The following GPHN variants were observed in gnomAD, a reference collection of about 807,000 sequenced individuals.
GPHN encodes the protein gephyrin.
In GPHN, 17 loss-of-function variants were observed where a neutral mutation model predicts 95.5. The observed-to-expected ratio is 0.18, with a 90% CI of 0.12 to 0.27. The LOEUF is 0.27. Ranked by LOEUF, GPHN falls within the 10% of genes least tolerant of loss-of-function variation. GPHN has a pLI of 1.00. For missense variants in GPHN, 660 were observed against 978.1 expected, an observed-to-expected ratio of 0.67 and a Z score of 4.34; for synonymous variants, 320 against 322.5, an observed-to-expected ratio of 0.99 and a Z score of 0.08.
At chr14:67,296,670 T>C in the GPHN span, among the ~76,000 whole-genome samples, 1 of 151,854 alleles carries the variant, frequency 6.6e-6, no homozygotes, top group Non-Finnish European at 1.5e-5. Flanking sequence ...TATGATGGAT[T>C]ACTTTGGTAA....
At chr14:67,124,015 T>C (rs985837988) in intron 17 of GPHN, among the ~76,000 whole-genome samples, 4 of 152,178 alleles carry the variant, frequency 2.6e-5, no homozygotes, top group Admixed American at 6.5e-5. Flanking sequence ...CTGATTTTTT[T>C]TTCTTTCTCT....
chr14:66,715,153 C>A (rs1270148699), intron 2 of GPHN, among the ~76,000 whole-genome samples: 1 of 152,056 alleles, frequency 6.6e-6, no homozygotes, highest in Admixed American at 6.6e-5. Flanking sequence ...TTCAGTCTTG[C>A]TGCTTGTTAT....
At chr14:67,439,124 C>T in the GPHN span, among the ~76,000 whole-genome samples, 1 of 152,176 alleles carries the variant, frequency 6.6e-6, no homozygotes, top group Non-Finnish European at 1.5e-5. Flanking sequence ...GTCCAAAGCA[C>T]ACTGGATATT....
chr14:66,746,297 CAATT>C (rs1412190722), intron 2 of GPHN, among the ~76,000 whole-genome samples: 3 of 152,118 alleles, frequency 2.0e-5, no homozygotes, highest in African/African-American at 7.2e-5. Flanking sequence ...TAGGCTCAAT[CAATT>C]GTCTTATCCC....
At chr14:66,714,887 C>T (rs528601082) in intron 2 of GPHN, among the ~76,000 whole-genome samples, 6 of 152,042 alleles carry the variant, frequency 3.9e-5, no homozygotes, top group South Asian at 2.1e-4. Context: ...GCTAGTATTT[C>T]GTTAGGGATT....
intron 17 of GPHN, among the ~76,000 whole-genome samples, chr14:67,124,819 T>TA (rs1247115816): frequency 6.6e-6 from 1 of 151,960 alleles, no homozygotes. Context: ...TTATACTTTT[T>TA]TTTTTAAAGA....
chr14:67,348,879 G>GAAACCTGGTTGTTAATGATTTT, the GPHN span: 1 of 720,604 alleles, frequency 1.4e-6, no homozygotes, highest in Non-Finnish European at 2.3e-6. Context: ...TGAGTAATTA[G>GAAACCTGGTTGTTAATGATTTT]AAACCTGGTT....
intron 2 of GPHN, among the ~76,000 whole-genome samples, chr14:66,773,117 G>A (rs1467568156): frequency 1.3e-5 from 2 of 152,154 alleles, no homozygotes; most frequent in Non-Finnish European, 2.9e-5. Flanking sequence ...TGAGTGGCAT[G>A]TAAAGAGCAG....
chr14:66,903,426 G>C (rs1048428010), intron 5 of GPHN, among the ~76,000 whole-genome samples: 3 of 152,068 alleles, frequency 2.0e-5, no homozygotes, highest in Non-Finnish European at 4.4e-5. Flanking sequence ...AGTTACAGTT[G>C]TTGATTTGTA....
chr14:67,361,440 A>G, the GPHN span, among the ~76,000 whole-genome samples: 1 of 152,218 alleles, frequency 6.6e-6, no homozygotes, highest in Non-Finnish European at 1.5e-5. Flanking sequence ...TTCAACTATA[A>G]TGATGAAATA....
intron 4 of GPHN, among the ~76,000 whole-genome samples, chr14:66,879,709 A>G (rs1393713726): frequency 6.6e-6 from 1 of 152,150 alleles, no homozygotes; most frequent in African/African-American, 2.4e-5. Flanking sequence ...TATAAGCAAT[A>G]TGAAAGGACT....
At chr14:67,083,230 C>G (rs948584788) in intron 11 of GPHN, among the ~76,000 whole-genome samples, 2 of 141,672 alleles carry the variant, frequency 1.4e-5, no homozygotes, top group African/African-American at 2.7e-5. Flanking sequence ...TGGATCTATG[C>G]CCCCCCCCCT....
At chr14:67,159,549 A>G in intron 19 of GPHN, 61 bp downstream of exon 19, 2 of 860,958 alleles carry the variant, frequency 2.3e-6, no homozygotes, top group Non-Finnish European at 2.0e-6. Context: ...TAACTAACAA[A>G]TTTTTAAATG....
chr14:67,208,432 C>T, the GPHN span: 1 of 1,613,598 alleles, frequency 6.2e-7, no homozygotes, highest in Admixed American at 1.7e-5. Context: ...GCACAGCTCT[C>T]AAGGCTGAAG....
At chr14:66,850,691 G>A (rs1352648668) in intron 4 of GPHN, among the ~76,000 whole-genome samples, 1 of 151,968 alleles carries the variant, frequency 6.6e-6, no homozygotes, top group Non-Finnish European at 1.5e-5. Context: ...GGACAGTCCC[G>A]GCAATAAAGA....
At chr14:67,436,980 C>A in the GPHN span, among the ~76,000 whole-genome samples, 2 of 152,124 alleles carry the variant, frequency 1.3e-5, no homozygotes, top group Non-Finnish European at 2.9e-5. Context: ...TCACTTGAAC[C>A]CAGAGGCCAA....
rs980817197 is a variant in GPHN at position 66,647,857 on chromosome 14, A to G, written c.65-33250A>G. Among the ~76,000 whole-genome samples the G allele has an allele frequency of 4.6e-5, 7 of 152,314 alleles. 1 individual carries two copies. The East Asian group carries it at 5.8e-4, about 13-fold the overall frequency. On this transcript the variant is annotated intron_variant, in intron 1 of 22. Coordinates refer to ENST00000478722, the MANE Select transcript of GPHN (RefSeq NM_020806.5). ...ATGGAAAATGTTTTAAAAATATTCA[A>G]ATGTTAAAACATTGCAAACTGATTT...
the GPHN span, among the ~76,000 whole-genome samples, chr14:67,653,087 C>T: frequency 3.9e-5 from 6 of 152,184 alleles, no homozygotes; most frequent in Non-Finnish European, 7.3e-5. Context: ...CCGCACGGGG[C>T]TGAGATTATA....
chr14:67,299,695 C>T, the GPHN span, among the ~76,000 whole-genome samples: 2 of 152,070 alleles, frequency 1.3e-5, no homozygotes, highest in Non-Finnish European at 2.9e-5. Context: ...GAATAAGCAA[C>T]ATATAGGTTA....
Sources: allele counts gnomAD v4.1 joint callset (sites outside exome capture counted in the v4.1 genomes callset), GRCh38; gene constraint gnomAD v4.1.1; transcripts MANE v1.5; gene names NCBI Gene and HGNC (gene_info 2026-07-23, HGNC 2026-07-21).